POTEC: variants seen among roughly 807,000 people sequenced by gnomAD.
The protein encoded by POTEC is POTE ankyrin domain family member C.
POTEC carries 35 observed loss-of-function variants against 62.0 expected under a neutral mutation model. The ratio of observed to expected loss-of-function variants is 0.56; its 90% confidence interval spans 0.43 to 0.75. The LOEUF (loss-of-function observed/expected upper bound fraction) is 0.75, where lower values mean the gene tolerates loss of function less well. POTEC is among the 30% of genes least tolerant of loss of function. The probability of loss-of-function intolerance (pLI) is 0.00; values close to 1 mark genes in which losing one functional copy is unlikely to be tolerated. For missense variants in POTEC, 472 were observed against 655.9 expected, an observed-to-expected ratio of 0.72 and a Z score of 3.06; for synonymous variants, 156 against 221.5, an observed-to-expected ratio of 0.70 and a Z score of 2.62.
chr18:14,537,193 ACACACACACACAC>A (rs1213790989), intron 3 of POTEC, among the ~76,000 whole-genome samples: 7 of 81,898 alleles, frequency 8.5e-5, no homozygotes, highest in African/African-American at 5.4e-4. Context: ...ACACACACAC[ACACACACACACAC>A]ACACAAAAAA....
intron 3 of POTEC, among the ~76,000 whole-genome samples, chr18:14,537,454 G>A (rs181705600): frequency 4.2e-4 from 63 of 151,094 alleles, no homozygotes; most frequent in African/African-American, 1.4e-3. Context: ...AGTTTTCTTG[G>A]AGTTTTAATG....
intron 6 of POTEC, among the ~76,000 whole-genome samples, chr18:14,530,038 T>TA (rs1253410022): frequency 2.5e-4 from 38 of 151,924 alleles, no homozygotes. Context: ...CACCTGTACT[T>TA]ACGGCCACAC....
chr18:14,538,180 A>T lies in POTEC; in HGVS notation c.591T>A (p.Cys197Ter). The change falls in exon 2 of 11, where the codon TGT becomes TGA. Residue 197 changes from cysteine (C) to a stop codon, truncating the protein, a stop_gained. Coordinates refer to ENST00000358970, the MANE Select transcript of POTEC (RefSeq NM_001137671.2). LOFTEE classifies it high-confidence loss of function. ...TTTTGTTGTCAAGGACATTAAGTTG[A>T]CATCGTCTGTCCAGCAGGAGTTGTA... ...EVVQLLLDRR[C>*]QLNVLDNKKR... The T allele has an allele frequency of 6.2e-7, 1 of 1,611,380 alleles. No individual in the cohort carries two copies. The highest frequency in any genetic ancestry group is 8.5e-7 in the Non-Finnish European group (1 of 1,179,596).
intron 9 of POTEC, among the ~76,000 whole-genome samples, chr18:14,517,776 T>C (rs966336971): frequency 3.9e-5 from 6 of 152,034 alleles, no homozygotes; most frequent in African/African-American, 1.4e-4. Flanking sequence ...GGAGGAGAAA[T>C]GCATGAACCA....
chr18:14,516,089 A>T (rs898137631), intron 9 of POTEC, among the ~76,000 whole-genome samples: 4 of 150,288 alleles, frequency 2.7e-5, no homozygotes, highest in African/African-American at 9.8e-5. Flanking sequence ...AATTAGTACA[A>T]ATCTATGGAA....
At chr18:14,518,255 C>G (rs1382666259) in intron 9 of POTEC, among the ~76,000 whole-genome samples, 1 of 151,540 alleles carries the variant, frequency 6.6e-6, no homozygotes, top group Non-Finnish European at 1.5e-5. Flanking sequence ...GAGAAAAACA[C>G]ACAATAACAA....
chr18:14,540,351 T>G (rs1307916920), intron 1 of POTEC, among the ~76,000 whole-genome samples: 3 of 152,118 alleles, frequency 2.0e-5, no homozygotes, highest in Non-Finnish European at 2.9e-5. Context: ...TAACTAAAAC[T>G]TTTCAGATGT....
At chr18:14,530,114 T>C (rs943673830) in intron 6 of POTEC, among the ~76,000 whole-genome samples, 43 of 151,870 alleles carry the variant, frequency 2.8e-4, no homozygotes, top group Non-Finnish European at 4.7e-4. Context: ...TAGATACTCA[T>C]TGGAGCATGA....
At chr18:14,512,520 C>A (rs1168055627) in intron 10 of POTEC, among the ~76,000 whole-genome samples, 1 of 152,196 alleles carries the variant, frequency 6.6e-6, no homozygotes, top group African/African-American at 2.4e-5. Flanking sequence ...GCATTGTACC[C>A]TTCTACAATG....
At chr18:14,536,196 G>A (rs1195304356) in intron 3 of POTEC, among the ~76,000 whole-genome samples, 1 of 149,546 alleles carries the variant, frequency 6.7e-6, no homozygotes, top group Non-Finnish European at 1.5e-5. Flanking sequence ...CTGCACTCCA[G>A]CCTGGGGAAC....
At position 14,509,998 on chromosome 18, in the gene POTEC, T is replaced by G. The variant is rs936623236; in HGVS notation, c.*1900A>C. On this transcript the variant is annotated 3_prime_UTR_variant, in exon 11 of 11. Coordinates refer to ENST00000358970, the MANE Select transcript of POTEC (RefSeq NM_001137671.2). Reference sequence around the variant, plus strand: ...GGATAAAGTGTCTCATAAGAGCAAGTGGAGCCTAGAGACATAGCTGTCCCT... The same window carrying G: ...GGATAAAGTGTCTCATAAGAGCAAGGGGAGCCTAGAGACATAGCTGTCCCT... 2 of 149,670 alleles carry G rather than the reference T, an allele frequency of 1.3e-5. No homozygotes were observed. Among genetic ancestry groups the G allele is most frequent in the Non-Finnish European group, 3.0e-5 (2 of 67,626 alleles). 9.3% of individuals were successfully genotyped at this position (149,670 alleles called of 1,614,324 possible). A position where few individuals can be genotyped will look rare whatever the true frequency, so the allele number is the denominator to read the frequency against.
intron 3 of POTEC, among the ~76,000 whole-genome samples, chr18:14,537,284 A>T (rs201250796): frequency 6.7e-6 from 1 of 149,002 alleles, no homozygotes; most frequent in South Asian, 2.1e-4. Flanking sequence ...GTTGGCCTTG[A>T]TATTTCTGAT....
Position 14,523,517 on chromosome 18 carries a change from CA to C in POTEC, c.1198-11del. On this transcript the variant is annotated splice_polypyrimidine_tract_variant and intron_variant, in intron 7 of 10. Coordinates refer to ENST00000358970, the MANE Select transcript of POTEC (RefSeq NM_001137671.2). Reference sequence around the variant, plus strand: ...GTTCTTGAGACATTTTCTGCAGATGCAAAAATAGAAGGTTAATTTGCTTGTT... The same window carrying C: ...GTTCTTGAGACATTTTCTGCAGATGCAAAATAGAAGGTTAATTTGCTTGTT... The C allele has an allele frequency of 1.9e-6, 3 of 1,593,524 alleles. No homozygotes were observed. The highest frequency in any genetic ancestry group is 1.1e-5 in the South Asian group (1 of 89,072).
At chr18:14,516,227 G>A (rs1439019848) in intron 9 of POTEC, among the ~76,000 whole-genome samples, 6 of 139,162 alleles carry the variant, frequency 4.3e-5, no homozygotes, top group African/African-American at 1.3e-4. Context: ...GTTTACTGCA[G>A]CACAATTCAC....
chr18:14,534,057 A>G (rs1366370141), intron 4 of POTEC, among the ~76,000 whole-genome samples: 2 of 139,752 alleles, frequency 1.4e-5, no homozygotes, highest in African/African-American at 2.7e-5. Flanking sequence ...TATATCTCCC[A>G]ATGCTATCCC....
chr18:14,514,365 C>T (rs1345481600), intron 9 of POTEC, among the ~76,000 whole-genome samples: 1 of 151,830 alleles, frequency 6.6e-6, no homozygotes, highest in African/African-American at 2.4e-5. Context: ...TTCACTTGCT[C>T]CCTACCACTA....
chr18:14,540,200 A>G (rs1330354747), intron 1 of POTEC, among the ~76,000 whole-genome samples: 1 of 152,144 alleles, frequency 6.6e-6, no homozygotes, highest in African/African-American at 2.4e-5. Flanking sequence ...GAAGCCCTCT[A>G]CTTCTGAAGA....
rs1449405192 is a variant in POTEC at position 14,530,543 on chromosome 18, A to C, written c.1066T>G (p.Leu356Val). 6.3e-7 allele frequency: 1 copy of C among 1,587,240 alleles called. No individual in the cohort carries two copies. Among genetic ancestry groups the C allele is most frequent in the African/African-American group, 1.4e-5 (1 of 74,058 alleles). The change falls in exon 6 of 11, where the codon TTA becomes GTA. Residue 356 changes from leucine (L) to valine (V), a missense_variant. Transcript: ENST00000358970. Reference sequence around the variant, plus strand: ...TGTTTTTCTTTATAGTCAGAAAGTAATTCACAAATTCTATGTATAAAAATG... The same window carrying C: ...TGTTTTTCTTTATAGTCAGAAAGTACTTCACAAATTCTATGTATAAAAATG... Reference protein sequence around the residue: ...VSSHHHVICELLSDYKEKQML... With the variant: ...VSSHHHVICEVLSDYKEKQML...
chr18:14,526,805 C>T (rs1163091136), intron 6 of POTEC, among the ~76,000 whole-genome samples: 17 of 152,104 alleles, frequency 1.1e-4, no homozygotes, highest in Non-Finnish European at 2.1e-4. Flanking sequence ...TAGACATTAA[C>T]GTTCAAGAGT....
Sources: gnomAD v4.1 joint callset for allele counts (sites outside exome capture counted in the v4.1 genomes callset) on GRCh38, gnomAD v4.1.1 for gene constraint, MANE v1.5 for transcripts, NCBI Gene and HGNC (gene_info 2026-07-23, HGNC 2026-07-21) for gene names.